The following MRPS6 variants were observed in gnomAD, a reference collection of about 807,000 sequenced individuals.
The protein encoded by MRPS6 is mitochondrial ribosomal protein S6.
MRPS6 carries 6 observed loss-of-function variants against 13.1 expected under a neutral mutation model. The observed-to-expected ratio is 0.46, with a 90% CI of 0.25 to 0.91. The LOEUF (loss-of-function observed/expected upper bound fraction) is 0.91, where lower values mean the gene tolerates loss of function less well. Among genes scored for constraint, MRPS6 ranks in the 40% least tolerant of loss-of-function variants. The pLI, the probability that MRPS6 is intolerant of heterozygous loss-of-function variation, is 0.18. For missense variants in MRPS6, 164 were observed against 155.6 expected (o/e 1.05, Z -0.29); for synonymous variants, 61 against 56.5 (o/e 1.08, Z -0.36).
chr21:34,137,304 C>G (rs374177637), intron 2 of MRPS6, among the ~76,000 whole-genome samples: 2 of 152,220 alleles, frequency 1.3e-5, no homozygotes, highest in Non-Finnish European at 2.9e-5. Context: ...TCTTCTTACC[C>G]GTGAACAAGA....
At chr21:34,088,051 G>A (rs1006099775) in intron 1 of MRPS6, among the ~76,000 whole-genome samples, 8 of 152,170 alleles carry the variant, frequency 5.3e-5, no homozygotes, top group African/African-American at 1.7e-4. Flanking sequence ...TTCATACCCC[G>A]GAACAACAGG....
At chr21:34,084,696 G>A (rs774876943) in intron 1 of MRPS6, among the ~76,000 whole-genome samples, 27 of 152,118 alleles carry the variant, frequency 1.8e-4, no homozygotes, top group Non-Finnish European at 3.7e-4. Flanking sequence ...TTGGTCATAC[G>A]TAATGGTAAA....
chr21:34,106,179 T>C, intron 1 of MRPS6: 1 of 986,788 alleles, frequency 1.0e-6, no homozygotes, highest in South Asian at 4.8e-5. Context: ...CTGTGGTATT[T>C]TGTCCTGTAA....
chr21:34,097,431 A>G lies in MRPS6; in HGVS notation c.45+23686A>G, dbSNP rs534768425. 43 of 1,469,472 alleles carry G rather than the reference A, an allele frequency of 2.9e-5. No individual in the cohort carries two copies. In the East Asian group the frequency reaches 8.9e-4, roughly 30 times the overall value. 91.0% of individuals were successfully genotyped at this position (1,469,472 alleles called of 1,614,324 possible). ...GGGGAAAAAAGTTATGTAACTGTGC[A>G]TCTCTCAGGCATTGTTTACGCTGTA... On this transcript the variant is annotated intron_variant, in intron 1 of 2. Coordinates refer to ENST00000399312, the MANE Select transcript of MRPS6 (RefSeq NM_032476.4).
chr21:34,112,612 A>G (rs1979747391), intron 1 of MRPS6, among the ~76,000 whole-genome samples: 1 of 152,056 alleles, frequency 6.6e-6, no homozygotes, highest in South Asian at 2.1e-4. Flanking sequence ...CCTGGCTCAG[A>G]CAATTACTTA....
intron 1 of MRPS6, among the ~76,000 whole-genome samples, chr21:34,119,895 C>T (rs1242421374): frequency 6.6e-6 from 1 of 152,116 alleles, no homozygotes; most frequent in Non-Finnish European, 1.5e-5. Context: ...GGAGAGATTC[C>T]TTTCTTCCTT....
intron 1 of MRPS6, among the ~76,000 whole-genome samples, chr21:34,108,264 A>G (rs1979562072): frequency 6.6e-6 from 1 of 152,166 alleles, no homozygotes; most frequent in East Asian, 1.9e-4. Context: ...CTTTATGGGT[A>G]TACCGTTTTT....
intron 1 of MRPS6, among the ~76,000 whole-genome samples, chr21:34,108,350 ACAGTATTCCCT>A (rs1288921697): frequency 6.6e-6 from 1 of 152,162 alleles, no homozygotes; most frequent in Admixed American, 6.5e-5. Flanking sequence ...GCGGTTACTT[ACAGTATTCCCT>A]GCAGTAACTG....
intron 1 of MRPS6, chr21:34,103,201 GA>G: frequency 2.0e-6 from 2 of 999,836 alleles, no homozygotes; most frequent in Non-Finnish European, 2.4e-6. Flanking sequence ...TATGTGTTTG[GA>G]TTAGTGCCTT....
chr21:34,116,803 G>A (rs1979932418), intron 1 of MRPS6, among the ~76,000 whole-genome samples: 1 of 152,090 alleles, frequency 6.6e-6, no homozygotes, highest in African/African-American at 2.4e-5. Flanking sequence ...CCCCCTTTCA[G>A]AGAACCTCAT....
intron 1 of MRPS6, among the ~76,000 whole-genome samples, chr21:34,082,578 C>T (rs1989483450): frequency 6.6e-6 from 1 of 151,924 alleles, no homozygotes; most frequent in African/African-American, 2.4e-5. Flanking sequence ...AATAGTTTAC[C>T]CATGATCCCT....
At chr21:34,128,156 G>A (rs1299230287) in intron 2 of MRPS6, among the ~76,000 whole-genome samples, 3 of 152,158 alleles carry the variant, frequency 2.0e-5, no homozygotes, top group South Asian at 4.1e-4. Flanking sequence ...CACAATTGTC[G>A]TGGTTCCTGG....
intron 1 of MRPS6, among the ~76,000 whole-genome samples, chr21:34,080,895 C>T (rs1040188523): frequency 6.6e-6 from 1 of 152,230 alleles, no homozygotes; most frequent in East Asian, 1.9e-4. Flanking sequence ...GCACTTCGCT[C>T]ACGCTGGGTG....
intron 1 of MRPS6, among the ~76,000 whole-genome samples, chr21:34,074,131 G>C (rs974617266): frequency 6.7e-6 from 1 of 148,764 alleles, no homozygotes; most frequent in African/African-American, 2.4e-5. Flanking sequence ...GCCCGTCCCC[G>C]CCAGTCGTGA....
At chr21:34,097,546 G>C in intron 1 of MRPS6, 1 of 1,379,392 alleles carries the variant, frequency 7.2e-7, no homozygotes, top group Non-Finnish European at 9.4e-7. Context: ...TTCAACTTAA[G>C]TGAAGCCAAA....
Position 34,079,602 on chromosome 21 carries a change from ATTTTTTTTTTT to A in MRPS6, c.45+5878_45+5888del, listed in dbSNP as rs398036389. 3.0e-4 allele frequency among the ~76,000 whole-genome samples: 13 copies of A among 43,680 alleles called. No homozygotes were observed. The South Asian group carries it at 3.1e-3, about 10-fold the overall frequency. The allele number at this position is 43,680 out of a possible 152,430, so 28.7% of individuals were successfully genotyped here. Reference sequence around the variant, plus strand: ...AGGCATGCGCCACCAGACCCAGCTAATTTTTTTTTTTTTTTTTTTTTTTTTTTTTTTAGTAG... The same window carrying A: ...AGGCATGCGCCACCAGACCCAGCTAATTTTTTTTTTTTTTTTTTTTAGTAG... On this transcript the variant is annotated intron_variant, in intron 1 of 2. Coordinates refer to ENST00000399312, the MANE Select transcript of MRPS6 (RefSeq NM_032476.4).
Position 34,142,731 on chromosome 21 carries a change from A to G in MRPS6, c.*131A>G. ...AGGTGCTGTTTGATTTTTCTAAGGT[A>G]TTTTTAGCCCTTGATCCCCTTTGCT... On this transcript the variant is annotated 3_prime_UTR_variant, in exon 3 of 3. Coordinates refer to ENST00000399312, the MANE Select transcript of MRPS6 (RefSeq NM_032476.4). 1 of 1,141,096 alleles carries G rather than the reference A, an allele frequency of 8.8e-7. No homozygotes were observed. 70.7% of individuals were successfully genotyped at this position (1,141,096 alleles called of 1,614,324 possible). A position where few individuals can be genotyped will look rare whatever the true frequency, so the allele number is the denominator to read the frequency against.
chr21:34,107,024 T>C (rs1393998270), intron 1 of MRPS6, among the ~76,000 whole-genome samples: 1 of 152,208 alleles, frequency 6.6e-6, no homozygotes, highest in Non-Finnish European at 1.5e-5. Flanking sequence ...CTCTGTCTCC[T>C]GAGTTCAAGC....
intron 2 of MRPS6, chr21:34,135,534 C>G: frequency 2.0e-6 from 1 of 501,772 alleles, no homozygotes; most frequent in South Asian, 1.5e-5. Context: ...CTGCCAGGCA[C>G]TCAGCAATGG....
Sources: gnomAD v4.1 joint callset for allele counts (sites outside exome capture counted in the v4.1 genomes callset) on GRCh38, gnomAD v4.1.1 for gene constraint, MANE v1.5 for transcripts, NCBI Gene and HGNC (gene_info 2026-07-23, HGNC 2026-07-21) for gene names.